The following ZMIZ1 variants were observed in gnomAD, a reference collection of about 807,000 sequenced individuals.
The protein encoded by ZMIZ1 is zinc finger MIZ-type containing 1.
In ZMIZ1, 17 loss-of-function variants were observed where a neutral mutation model predicts 113.9. That is an observed-to-expected ratio of 0.15 (90% CI 0.10 to 0.22). ZMIZ1 has a LOEUF of 0.22. ZMIZ1 is among the 10% of genes least tolerant of loss of function. The pLI, the probability that ZMIZ1 is intolerant of heterozygous loss-of-function variation, is 1.00. For missense variants in ZMIZ1, 1,059 were observed against 1,477.8 expected (o/e 0.72, Z 4.65); for synonymous variants, 607 against 603.1 (o/e 1.01, Z -0.09).
chr10:79,286,615 T>C (rs537940349), intron 8 of ZMIZ1, among the ~76,000 whole-genome samples: 3 of 152,354 alleles, frequency 2.0e-5, no homozygotes, highest in Admixed American at 1.3e-4. Context: ...GCATCTTTGC[T>C]CTGGGGCGGC....
intron 3 of ZMIZ1, among the ~76,000 whole-genome samples, chr10:79,153,199 C>T (rs1489898496): frequency 1.3e-5 from 2 of 152,236 alleles, no homozygotes; most frequent in Admixed American, 6.5e-5. Context: ...GGCCCTGGGC[C>T]ATGCTCTGGG....
At chr10:79,119,123 C>T (rs1844179899) in intron 2 of ZMIZ1, 99 bp downstream of exon 2, 1 of 152,230 alleles carries the variant, frequency 6.6e-6, no homozygotes. Flanking sequence ...GTTTCAGGGG[C>T]CCAGAGGGCT....
chr10:79,134,195 G>A (rs1844894008), intron 2 of ZMIZ1, among the ~76,000 whole-genome samples: 1 of 152,170 alleles, frequency 6.6e-6, no homozygotes, highest in African/African-American at 2.4e-5. Flanking sequence ...GATGCCACTG[G>A]GGCTCAGGGC....
chr10:79,179,025 C>T lies in ZMIZ1; in HGVS notation c.-50+16892C>T, dbSNP rs377261752. On this transcript the variant is annotated intron_variant, in intron 4 of 24. Coordinates refer to ENST00000334512, the MANE Select transcript of ZMIZ1 (RefSeq NM_020338.4). ...CAGACCCTGGAGGAAGGAGAGGAGTCGGGCAGCTGTGACTGCTGACTCACA... is the reference window on the plus strand; with the variant it reads ...CAGACCCTGGAGGAAGGAGAGGAGTTGGGCAGCTGTGACTGCTGACTCACA... Among the ~76,000 whole-genome samples, 61 of 152,338 alleles carry T rather than the reference C, an allele frequency of 4.0e-4. 1 individual carries two copies. In the South Asian group the frequency reaches 0.012, roughly 31 times the overall value.
rs1855485379 is a variant in ZMIZ1 at position 79,315,622 on chromosome 10, A to G, written c.*2873A>G. The G allele has an allele frequency of 6.5e-6, 1 of 152,726 alleles. No individual in the cohort carries two copies. Among genetic ancestry groups the G allele is most frequent in the Non-Finnish European group, 1.5e-5 (1 of 68,036 alleles). The allele number at this position is 152,726 out of a possible 1,614,324, so 9.5% of individuals were successfully genotyped here. A position where few individuals can be genotyped will look rare whatever the true frequency, so the allele number is the denominator to read the frequency against. The stretch of plus-strand genomic sequence containing the variant: ...TCCATGTATCATGTTCCGTGTAGCC[A>G]TTTTATTTTTTAAGAAACTGCTAAT... On this transcript the variant is annotated 3_prime_UTR_variant, in exon 25 of 25. Transcript: ENST00000334512.
chr10:79,316,074 TAATG>T lies in ZMIZ1; in HGVS notation c.*3328_*3331del, dbSNP rs1480900979. The T allele has an allele frequency of 2.0e-5, 3 of 152,772 alleles. No individual in the cohort carries two copies. Among genetic ancestry groups the T allele is most frequent in the Non-Finnish European group, 4.4e-5 (3 of 68,042 alleles). 9.5% of individuals were successfully genotyped at this position (152,772 alleles called of 1,614,324 possible). A position where few individuals can be genotyped will look rare whatever the true frequency, so the allele number is the denominator to read the frequency against. ...GTGTATTTTTAGGGTGCTATGGAAA[TAATG>T]AAAAGAAACGGGGATTTCAGAAGAA... On this transcript the variant is annotated 3_prime_UTR_variant, in exon 25 of 25. Coordinates refer to ENST00000334512, the MANE Select transcript of ZMIZ1 (RefSeq NM_020338.4).
chr10:79,286,600 T>C (rs1283961921), intron 8 of ZMIZ1, among the ~76,000 whole-genome samples: 2 of 152,258 alleles, frequency 1.3e-5, no homozygotes, highest in Non-Finnish European at 2.9e-5. Context: ...TCCATATGCC[T>C]GCGTGCATCT....
intron 3 of ZMIZ1, among the ~76,000 whole-genome samples, chr10:79,153,610 T>C (rs750949281): frequency 3.0e-4 from 46 of 152,254 alleles, no homozygotes; most frequent in Non-Finnish European, 5.4e-4. Context: ...AAATAGCAAG[T>C]GCTCCTGTTG....
chr10:79,164,012 C>T (rs1029174260), intron 4 of ZMIZ1, among the ~76,000 whole-genome samples: 1 of 151,578 alleles, frequency 6.6e-6, no homozygotes, highest in Non-Finnish European at 1.5e-5. Flanking sequence ...GGAGCAGCTT[C>T]GAGTTGATTC....
chr10:79,217,741 G>A (rs766008784), intron 7 of ZMIZ1, among the ~76,000 whole-genome samples: 3 of 152,204 alleles, frequency 2.0e-5, no homozygotes, highest in Non-Finnish European at 4.4e-5. Context: ...GGATGGCGCT[G>A]CACACATAGA....
At chr10:79,232,460 A>C (rs1316581081) in intron 7 of ZMIZ1, among the ~76,000 whole-genome samples, 2 of 152,168 alleles carry the variant, frequency 1.3e-5, no homozygotes, top group Non-Finnish European at 1.5e-5. Context: ...TGGTAGGGTT[A>C]CATTATCGTT....
chr10:79,186,805 G>C (rs1346789006), intron 4 of ZMIZ1, among the ~76,000 whole-genome samples: 1 of 152,200 alleles, frequency 6.6e-6, no homozygotes, highest in African/African-American at 2.4e-5. Context: ...CCTTAAGAAG[G>C]ACCCCGTGCC....
chr10:79,105,911 G>A (rs560244667), intron 1 of ZMIZ1, among the ~76,000 whole-genome samples: 1 of 152,328 alleles, frequency 6.6e-6, no homozygotes, highest in Non-Finnish European at 1.5e-5. Context: ...CTTCCCCTAA[G>A]TGCTCACCAA....
At chr10:79,217,643 T>C (rs1250586) in intron 7 of ZMIZ1, among the ~76,000 whole-genome samples, 102,712 of 152,112 alleles carry the variant, frequency 0.68, 34,853 homozygotes, top group East Asian at 0.78. Context: ...GGACATCTCA[T>C]GATGTGTTTC....
intron 1 of ZMIZ1, among the ~76,000 whole-genome samples, chr10:79,074,530 C>T (rs1052477093): frequency 6.6e-6 from 1 of 152,242 alleles, no homozygotes; most frequent in African/African-American, 2.4e-5. Context: ...CAGGTCTATA[C>T]ATGGGGCTTC....
chr10:79,114,484 TGTGTGTGTGC>T lies in ZMIZ1; in HGVS notation c.-336-4421_-336-4412del, dbSNP rs1158774787. Among the ~76,000 whole-genome samples the T allele has an allele frequency of 8.6e-4, 85 of 98,656 alleles. No individual in the cohort carries two copies. The South Asian group carries it at 0.023, about 26-fold the overall frequency. The allele number at this position is 98,656 out of a possible 152,430, so 64.7% of individuals were successfully genotyped here. A position where few individuals can be genotyped will look rare whatever the true frequency, so the allele number is the denominator to read the frequency against. ...GTGTATGTGTGTGTGTGTCTGTGTG[TGTGTGTGTGC>T]GTGTGTGTGTGCGTGTGTGTGTGTG... On this transcript the variant is annotated intron_variant, in intron 1 of 24. Transcript: ENST00000334512.
chr10:79,291,283 A>G (rs1437936717), intron 10 of ZMIZ1, 107 bp downstream of exon 10: 16 of 1,326,628 alleles, frequency 1.2e-5, no homozygotes, highest in African/African-American at 3.0e-5. Context: ...TGCCCTGAGA[A>G]GTTATCCTCT....
chr10:79,172,470 G>A (rs1198082022), intron 4 of ZMIZ1, among the ~76,000 whole-genome samples: 1 of 152,186 alleles, frequency 6.6e-6, no homozygotes, highest in African/African-American at 2.4e-5. Context: ...TCAGCAGCCA[G>A]GGCATCATTT....
chr10:79,287,242 A>T (rs1393208062), intron 8 of ZMIZ1, among the ~76,000 whole-genome samples: 1 of 152,186 alleles, frequency 6.6e-6, no homozygotes, highest in Non-Finnish European at 1.5e-5. Flanking sequence ...GAGCAGGCTC[A>T]TGGCTACTTT....
Sources: allele counts gnomAD v4.1 joint callset (sites outside exome capture counted in the v4.1 genomes callset), GRCh38; gene constraint gnomAD v4.1.1; transcripts MANE v1.5; gene names NCBI Gene and HGNC (gene_info 2026-07-23, HGNC 2026-07-21).